The following FAM180A variants were observed in gnomAD, a reference collection of about 807,000 sequenced individuals.
FAM180A encodes the protein family with sequence similarity 180 member A, also known as protein FAM180A.
In FAM180A, 14 loss-of-function variants were observed where a neutral mutation model predicts 15.3. That is an observed-to-expected ratio of 0.92 (90% CI 0.61 to 1.43). FAM180A has a LOEUF of 1.43. Among genes scored for constraint, FAM180A ranks in the 40% most tolerant of loss-of-function variants. The pLI, the probability that FAM180A is intolerant of heterozygous loss-of-function variation, is 0.00. For missense variants in FAM180A, 200 were observed against 220.8 expected (o/e 0.91, Z 0.60); for synonymous variants, 90 against 96.8 (o/e 0.93, Z 0.41).
chr7:135,744,875 C>T (rs1217887525), intron 1 of FAM180A, among the ~76,000 whole-genome samples: 1 of 152,134 alleles, frequency 6.6e-6, no homozygotes, highest in Non-Finnish European at 1.5e-5. Flanking sequence ...CTGTATGGGG[C>T]ACTTGGGCAG....
At chr7:135,744,171 G>A (rs1796995598) in intron 1 of FAM180A, among the ~76,000 whole-genome samples, 1 of 152,152 alleles carries the variant, frequency 6.6e-6, no homozygotes, top group Admixed American at 6.5e-5. Flanking sequence ...TTGGCAGCCC[G>A]ACCTTCTCTT....
intron 1 of FAM180A, among the ~76,000 whole-genome samples, chr7:135,747,819 CGAGGTGCTCCCAGTGTCTACCAAGCA>C (rs1242874165): frequency 5.3e-5 from 8 of 152,240 alleles, no homozygotes; most frequent in Admixed American, 1.3e-4. Flanking sequence ...AACTCTGGCT[CGAGGTGCTCCCAGTGTCTACCAAGCA>C]GAGCCACTCC....
chr7:135,736,313 G>A (rs547971285), intron 2 of FAM180A, among the ~76,000 whole-genome samples: 3 of 152,348 alleles, frequency 2.0e-5, no homozygotes, highest in Non-Finnish European at 2.9e-5. Context: ...AAGCCACCGC[G>A]CCCAGCCCCC....
chr7:135,742,267 C>T (rs577603177), intron 1 of FAM180A, among the ~76,000 whole-genome samples: 1 of 152,306 alleles, frequency 6.6e-6, no homozygotes, highest in African/African-American at 2.4e-5. Flanking sequence ...TGTCAAAATA[C>T]AGAGGTACAA....
At chr7:135,732,563 C>T (rs527319293) in intron 3 of FAM180A, among the ~76,000 whole-genome samples, 6 of 152,068 alleles carry the variant, frequency 3.9e-5, no homozygotes, top group Admixed American at 1.3e-4. Context: ...TGTGGTGGTG[C>T]GCGCCTATAG....
At chr7:135,746,219 C>T (rs544595945) in intron 1 of FAM180A, among the ~76,000 whole-genome samples, 44 of 152,134 alleles carry the variant, frequency 2.9e-4, no homozygotes, top group Middle Eastern at 3.4e-3. Flanking sequence ...GGACATGGCC[C>T]GGAGAAGTTG....
chr7:135,736,310 C>T (rs112978475), intron 2 of FAM180A, among the ~76,000 whole-genome samples: 9 of 152,188 alleles, frequency 5.9e-5, no homozygotes, highest in South Asian at 2.1e-4. Flanking sequence ...CGTAAGCCAC[C>T]GCGCCCAGCC....
At chr7:135,748,149 G>A (rs1383623133) in intron 1 of FAM180A, among the ~76,000 whole-genome samples, 2 of 152,224 alleles carry the variant, frequency 1.3e-5, no homozygotes, top group Non-Finnish European at 2.9e-5. Context: ...TTAGCAGCAG[G>A]TCTCAGCACC....
intron 3 of FAM180A, among the ~76,000 whole-genome samples, chr7:135,731,369 C>T (rs1483732594): frequency 2.0e-5 from 3 of 151,920 alleles, no homozygotes; most frequent in South Asian, 2.1e-4. Flanking sequence ...TTGTGTTTTA[C>T]TTAGACAATG....
intron 1 of FAM180A, among the ~76,000 whole-genome samples, chr7:135,744,955 C>T (rs923854953): frequency 3.3e-5 from 5 of 152,020 alleles, no homozygotes; most frequent in Admixed American, 2.0e-4. Flanking sequence ...AGTGAAGTGG[C>T]GCAATCATAG....
intron 1 of FAM180A, among the ~76,000 whole-genome samples, chr7:135,745,491 C>A (rs1797019722): frequency 1.3e-5 from 2 of 150,608 alleles, no homozygotes; most frequent in Admixed American, 1.3e-4. Context: ...GTGTGTGTTT[C>A]TGTGTGTGTG....
At chr7:135,735,390 A>C (rs1796856318) in intron 2 of FAM180A, among the ~76,000 whole-genome samples, 1 of 152,184 alleles carries the variant, frequency 6.6e-6, no homozygotes, top group Non-Finnish European at 1.5e-5. Context: ...TGGGACACAG[A>C]TATTTGTCCT....
intron 1 of FAM180A, among the ~76,000 whole-genome samples, chr7:135,745,008 C>T (rs1797010460): frequency 6.6e-6 from 1 of 152,176 alleles, no homozygotes; most frequent in South Asian, 2.1e-4. Context: ...GATCCTACCA[C>T]CTTGATCTCC....
In FAM180A at chr7:135,737,218, T is replaced by G. The variant is rs1224301596; in HGVS notation, c.77-19A>C. The stretch of plus-strand genomic sequence containing the variant: ...AGCACAGCTGAAAGAAAGAAAACAG[T>G]GAGTTCCTGGCTGCTGTGTGCGCCC... On this transcript the variant is annotated intron_variant, in intron 1 of 3. Coordinates refer to ENST00000338588, the MANE Select transcript of FAM180A (RefSeq NM_205855.4). 6.4e-7 allele frequency: 1 copy of G among 1,562,314 alleles called. No homozygotes were observed. Among genetic ancestry groups the G allele is most frequent in the Non-Finnish European group, 8.7e-7 (1 of 1,152,828 alleles).
In FAM180A at chr7:135,730,013, C is replaced by T. The variant is rs924761165; in HGVS notation, c.*598G>A. 4 of 980,728 alleles carry T rather than the reference C, an allele frequency of 4.1e-6. No individual in the cohort carries two copies. The African/African-American group carries it at 7.0e-5, about 17-fold the overall frequency. 60.8% of individuals were successfully genotyped at this position (980,728 alleles called of 1,614,324 possible). A position where few individuals can be genotyped will look rare whatever the true frequency, so the allele number is the denominator to read the frequency against. On this transcript the variant is annotated 3_prime_UTR_variant, in exon 4 of 4. Coordinates refer to ENST00000338588, the MANE Select transcript of FAM180A (RefSeq NM_205855.4). Reference sequence around the variant, plus strand: ...TACATTTTACCTGATGTGTTTTTTACCACAATAAAAAAAATAAGATTGAAA... The same window carrying T: ...TACATTTTACCTGATGTGTTTTTTATCACAATAAAAAAAATAAGATTGAAA...
intron 1 of FAM180A, among the ~76,000 whole-genome samples, chr7:135,739,213 G>T (rs1043532421): frequency 6.6e-6 from 1 of 151,458 alleles, no homozygotes; most frequent in African/African-American, 2.4e-5. Flanking sequence ...GGGAGGCTGA[G>T]GCAGGAGAAT....
chr7:135,730,132 T>C lies in FAM180A; in HGVS notation c.*479A>G, dbSNP rs1219715188. 1.0e-6 allele frequency: 1 copy of C among 985,322 alleles called. No individual in the cohort carries two copies. Among genetic ancestry groups the C allele is most frequent in the Non-Finnish European group, 1.2e-6 (1 of 829,938 alleles). The allele number at this position is 985,322 out of a possible 1,614,324, so 61.0% of individuals were successfully genotyped here. ...TGCAGAAATACTTTGATTTGTTAGA[T>C]TCAAGGTGAGGTGACAGAGCAATGA... is the stretch of plus-strand genomic sequence containing the variant. On this transcript the variant is annotated 3_prime_UTR_variant, in exon 4 of 4. Transcript: ENST00000338588.
intron 1 of FAM180A, among the ~76,000 whole-genome samples, chr7:135,742,680 C>T (rs540103871): frequency 4.6e-5 from 7 of 152,300 alleles, no homozygotes; most frequent in African/African-American, 1.4e-4. Flanking sequence ...TGTGTTATAG[C>T]GTGTTCTGTC....
intron 1 of FAM180A, among the ~76,000 whole-genome samples, chr7:135,744,472 A>G (rs28406250): frequency 0.044 from 6,652 of 152,272 alleles, 327 homozygotes; most frequent in African/African-American, 0.12. Context: ...GATGTCATTT[A>G]CTTTTTGACT....
Sources: allele counts gnomAD v4.1 joint callset (sites outside exome capture counted in the v4.1 genomes callset), GRCh38; gene constraint gnomAD v4.1.1; transcripts MANE v1.5; gene names NCBI Gene and HGNC (gene_info 2026-07-23, HGNC 2026-07-21).